The following GLI3 variants were observed in gnomAD, a reference collection of about 807,000 sequenced individuals.
GLI3 encodes GLI family zinc finger 3.
GLI3 carries 20 observed loss-of-function variants against 100.8 expected under a neutral mutation model. The ratio of observed to expected loss-of-function variants is 0.20; its 90% CI spans 0.14 to 0.29. The LOEUF (loss-of-function observed/expected upper bound fraction) is 0.29. GLI3 is among the 10% of genes least tolerant of loss of function. GLI3 has a pLI of 1.00. For synonymous variants in GLI3, 938 were observed against 860.5 expected, an observed-to-expected ratio of 1.09 and a Z score of -1.58; for missense variants, 2,040 against 2,128.5, an observed-to-expected ratio of 0.96 and a Z score of 0.82.
chr7:42,194,755 G>C (rs867135699), intron 2 of GLI3, among the ~76,000 whole-genome samples: 7 of 78,768 alleles, frequency 8.9e-5, no homozygotes, highest in South Asian at 4.1e-4. Context: ...TTCTCTCTCT[G>C]TCTCTTTTTT....
At chr7:42,158,717 C>T (rs532085184) in intron 2 of GLI3, among the ~76,000 whole-genome samples, 1 of 152,230 alleles carries the variant, frequency 6.6e-6, no homozygotes, top group South Asian at 2.1e-4. Flanking sequence ...TCTTGAACTC[C>T]TGACCTCAGG....
At chr7:42,252,508 A>G (rs992517418) in intron 1 of GLI3, among the ~76,000 whole-genome samples, 1 of 152,230 alleles carries the variant, frequency 6.6e-6, no homozygotes, top group African/African-American at 2.4e-5. Flanking sequence ...AGAAATGAAC[A>G]CACTTAACAT....
At chr7:42,223,338 A>AG (rs1788525286) in intron 1 of GLI3, 43 bp from the exon 2 acceptor site, 3 of 841,390 alleles carry the variant, frequency 3.6e-6, no homozygotes, top group East Asian at 5.5e-5. Context: ...AAATGGTGGA[A>AG]AAAAAAAAAA....
intron 4 of GLI3, among the ~76,000 whole-genome samples, chr7:42,053,240 G>A (rs73102933): frequency 0.15 from 22,838 of 152,168 alleles, 2,235 homozygotes; most frequent in East Asian, 0.4. Flanking sequence ...CAGATGATCC[G>A]CCCGCCTCGG....
intron 5 of GLI3, among the ~76,000 whole-genome samples, chr7:42,046,293 A>T (rs569908735): frequency 1.3e-5 from 2 of 152,358 alleles, no homozygotes; most frequent in East Asian, 3.9e-4. Context: ...TGAGGTCGTC[A>T]GGAGCAAAAA....
intron 10 of GLI3, among the ~76,000 whole-genome samples, chr7:41,982,070 C>T (rs1447675685): frequency 6.6e-6 from 1 of 152,156 alleles, no homozygotes; most frequent in Admixed American, 6.5e-5. Context: ...GGAATGTTCC[C>T]TTTCCAATCC....
intron 2 of GLI3, among the ~76,000 whole-genome samples, chr7:42,191,152 ATAT>A (rs1787818513): frequency 6.6e-6 from 1 of 152,314 alleles, no homozygotes; most frequent in Middle Eastern, 3.4e-3. Context: ...GAAAATAAAA[ATAT>A]TATTATTGGC....
intron 3 of GLI3, 74 bp downstream of exon 3, chr7:42,148,147 ACACAC>A: frequency 7.9e-7 from 1 of 1,260,234 alleles, no homozygotes; most frequent in Non-Finnish European, 1.1e-6. Flanking sequence ...ACACACACAC[ACACAC>A]ACACACACAC....
intron 6 of GLI3, among the ~76,000 whole-genome samples, chr7:42,040,561 T>C (rs778351633): frequency 1.8e-4 from 27 of 152,150 alleles, no homozygotes; most frequent in Admixed American, 4.6e-4. Context: ...GCTTAGATAT[T>C]CCCATCATTA....
intron 2 of GLI3, among the ~76,000 whole-genome samples, chr7:42,210,472 A>G (rs1370778772): frequency 1.3e-5 from 2 of 151,020 alleles, no homozygotes; most frequent in Non-Finnish European, 2.9e-5. Flanking sequence ...CTTTCTCCCC[A>G]CCACCAACCT....
intron 10 of GLI3, among the ~76,000 whole-genome samples, chr7:41,991,333 G>A (rs1210509086): frequency 7.2e-5 from 11 of 152,144 alleles, no homozygotes; most frequent in Non-Finnish European, 1.5e-4. Context: ...ACCAAACCAA[G>A]GTGGAAAGCA....
intron 2 of GLI3, among the ~76,000 whole-genome samples, chr7:42,163,268 C>A (rs1169418332): frequency 6.6e-6 from 1 of 151,960 alleles, no homozygotes; most frequent in Non-Finnish European, 1.5e-5. Flanking sequence ...CCCCTCCGGA[C>A]ACTGCCAAAG....
chr7:42,223,757 A>C (rs1303338392), intron 1 of GLI3, among the ~76,000 whole-genome samples: 1 of 152,202 alleles, frequency 6.6e-6, no homozygotes, highest in African/African-American at 2.4e-5. Context: ...ACAATTTCTA[A>C]CATCGAAGGC....
rs570240783 is a variant in GLI3 at position 41,965,268 on chromosome 7, C to G, written c.3805G>C (p.Asp1269His). Residue 1269 changes from aspartate to histidine, a missense_variant, in exon 15 of 15, where the codon GAC becomes CAC. Physicochemically the swap from Asp to His is moderately conservative, Grantham distance 81. Around this residue, in one of 5 missense-constraint regions of GLI3, gnomAD observed 1,041 missense variants for 924.0 expected, o/e 1.13. Coordinates refer to ENST00000395925, the MANE Select transcript of GLI3 (RefSeq NM_000168.6). ...NRQPVAPGAL[D>H]GACGAGIQAS... ...TGAATCCCGGCACCACAGGCACCGT[C>G]GAGTGCACCAGGGGCCACTGGCTGC... 79 of 1,613,626 alleles carry G rather than the reference C, an allele frequency of 4.9e-5. 1 individual carries two copies. The South Asian group carries it at 8.6e-4, about 17-fold the overall frequency.
intron 2 of GLI3, among the ~76,000 whole-genome samples, chr7:42,177,179 TAGAA>T (rs1006054562): frequency 2.6e-5 from 4 of 151,976 alleles, no homozygotes; most frequent in Admixed American, 6.6e-5. Flanking sequence ...GTGAGAGTGA[TAGAA>T]AGAGAGTGGC....
chr7:42,020,889 C>CAAAAAAAAAAAAA (rs371389453), intron 10 of GLI3, among the ~76,000 whole-genome samples: 6 of 113,122 alleles, frequency 5.3e-5, no homozygotes, highest in African/African-American at 2.1e-4. Context: ...GACTCCGTCT[C>CAAAAAAAAAAAAA]AAAAAAAAAA....
chr7:41,997,344 C>T (rs904054028), intron 10 of GLI3, among the ~76,000 whole-genome samples: 1 of 152,056 alleles, frequency 6.6e-6, no homozygotes, highest in African/African-American at 2.4e-5. Context: ...TATGTGGTGG[C>T]TGGACTTTAC....
intron 3 of GLI3, among the ~76,000 whole-genome samples, chr7:42,081,469 C>G (rs1379023532): frequency 1.3e-5 from 2 of 152,258 alleles, no homozygotes; most frequent in Admixed American, 6.5e-5. Context: ...AACTGAAATG[C>G]ATAGCAAAAA....
Position 42,223,173 on chromosome 7 carries a change from T to C in GLI3, c.81A>G (p.Thr27=). 1.2e-6 allele frequency: 2 copies of C among 1,613,988 alleles called. No individual in the cohort carries two copies. The highest frequency in any genetic ancestry group is 1.7e-6 in the Non-Finnish European group (2 of 1,179,916). ...ENSIVKCSTR[T]DVSEKAVASS... ...AGGCAACGGCTTTCTCGCTCACATC[T>C]GTTCGAGTGGAGCACTTCACTATGG... Residue 27 remains threonine, a synonymous_variant, in exon 2 of 15, where the codon ACA becomes ACG. Coordinates refer to ENST00000395925, the MANE Select transcript of GLI3 (RefSeq NM_000168.6).
Sources: allele counts gnomAD v4.1 joint callset (sites outside exome capture counted in the v4.1 genomes callset), GRCh38; gene constraint gnomAD v4.1.1; regional missense constraint gnomAD v4.1.1; transcripts MANE v1.5; gene names NCBI Gene and HGNC (gene_info 2026-07-23, HGNC 2026-07-21).